Variants in AIG1 observed in about 807,000 individuals in gnomAD.
AIG1 encodes the protein androgen induced 1.
In AIG1, 23 loss-of-function variants were observed where a neutral mutation model predicts 31.4. The observed-to-expected ratio is 0.73, with a 90% CI of 0.53 to 1.04. The LOEUF is 1.04. Among genes scored for constraint, AIG1 ranks in the 50% least tolerant of loss-of-function variants. AIG1 has a pLI of 0.00. For missense variants in AIG1, 274 were observed against 295.0 expected (o/e 0.93, Z 0.52); for synonymous variants, 100 against 110.5 (o/e 0.90, Z 0.60).
chr6:143,173,605 A>C (rs1224114159), intron 3 of AIG1, among the ~76,000 whole-genome samples: 1 of 152,174 alleles, frequency 6.6e-6, no homozygotes, highest in African/African-American at 2.4e-5. Flanking sequence ...GTTCAGTTCA[A>C]AGAATTTTTT....
In AIG1 at chr6:143,280,944, A is replaced by G. The variant is rs151097920; in HGVS notation, c.400-3166A>G. Among the ~76,000 whole-genome samples the G allele has an allele frequency of 2.6e-3, 397 of 152,342 alleles. No individual in the cohort carries two copies. Among genetic ancestry groups the G allele is most frequent in the African/African-American group, 9.2e-3 (382 of 41,564 alleles). ...TTTATTATTATTGATTGGATAATAT[A>G]TCACAGGAAAGACATATTTAGCAAA... On this transcript the variant is annotated intron_variant, in intron 3 of 5. Coordinates refer to ENST00000357847, the MANE Select transcript of AIG1 (RefSeq NM_016108.4). The surrounding 1 kb of genome is among the most constrained non-coding windows in gnomAD (Gnocchi z 4.1).
chr6:143,127,148 C>A (rs1484686828), intron 1 of AIG1, among the ~76,000 whole-genome samples: 1 of 152,102 alleles, frequency 6.6e-6, no homozygotes, highest in Non-Finnish European at 1.5e-5. Context: ...AGAAAAGAGA[C>A]CAGGTCGATT....
chr6:143,169,250 C>T (rs1371358439), intron 3 of AIG1, among the ~76,000 whole-genome samples: 1 of 151,702 alleles, frequency 6.6e-6, no homozygotes, highest in Non-Finnish European at 1.5e-5. Flanking sequence ...TAAATGTTTC[C>T]CTGCCTCCTT....
In AIG1 at chr6:143,284,562, T is replaced by C. The variant is rs994887102; in HGVS notation, c.515+337T>C. The stretch of plus-strand genomic sequence containing the variant: ...TGGGATTTTGTTGTTGTTGCTTTTG[T>C]TGGGGGGCAGGGGAGTTGCAGCAAA... On this transcript the variant is annotated intron_variant, in intron 4 of 5. Transcript: ENST00000357847. This position sits in a 1 kb window ranked among gnomAD's most constrained non-coding sequence, Gnocchi z 4.4. Among the ~76,000 whole-genome samples, 8 of 152,148 alleles carry C rather than the reference T, an allele frequency of 5.3e-5. No individual in the cohort carries two copies. Among genetic ancestry groups the C allele is most frequent in the African/African-American group, 1.4e-4 (6 of 41,428 alleles).
At chr6:143,103,037 C>G (rs1281794655) in intron 1 of AIG1, among the ~76,000 whole-genome samples, 5 of 152,132 alleles carry the variant, frequency 3.3e-5, no homozygotes, top group Non-Finnish European at 7.4e-5. Context: ...GAAAGTACCA[C>G]TAAATTACAC....
At position 143,244,077 on chromosome 6, in the gene AIG1, C is replaced by T. The variant is rs1347386; in HGVS notation, c.400-40033C>T. ...ACACATGACACCTGCCCTCAAATAG[C>T]TGGCAGATTATTGAGGGAATCATAC... On this transcript the variant is annotated intron_variant, in intron 3 of 5. Coordinates refer to ENST00000357847, the MANE Select transcript of AIG1 (RefSeq NM_016108.4). 8.5e-5 allele frequency among the ~76,000 whole-genome samples: 13 copies of T among 152,298 alleles called. No individual in the cohort carries two copies. In the South Asian group the frequency reaches 2.7e-3, roughly 32 times the overall value.
At chr6:143,189,464 A>G in intron 3 of AIG1, 2 of 982,898 alleles carry the variant, frequency 2.0e-6, no homozygotes, top group Non-Finnish European at 2.4e-6. Flanking sequence ...AATTTATTAT[A>G]TATTGAAATC....
intron 4 of AIG1, among the ~76,000 whole-genome samples, chr6:143,295,715 C>G (rs1451109870): frequency 1.3e-5 from 2 of 152,164 alleles, no homozygotes; most frequent in Non-Finnish European, 2.9e-5. Context: ...TTCAGCTTCT[C>G]TGTGCTACAC....
intron 2 of AIG1, among the ~76,000 whole-genome samples, chr6:143,140,999 A>G (rs1784198644): frequency 1.3e-5 from 2 of 152,184 alleles, no homozygotes; most frequent in African/African-American, 2.4e-5. Context: ...CCTGGCTATT[A>G]TCTACTGTCT....
chr6:143,308,674 T>C (rs1775002599), intron 4 of AIG1, among the ~76,000 whole-genome samples: 1 of 152,224 alleles, frequency 6.6e-6, no homozygotes, highest in African/African-American at 2.4e-5. Flanking sequence ...TGTTCTGGTA[T>C]TCAGTCCTAC....
chr6:143,195,062 T>G (rs1790111964), intron 3 of AIG1, among the ~76,000 whole-genome samples: 1 of 152,216 alleles, frequency 6.6e-6, no homozygotes, highest in Non-Finnish European at 1.5e-5. Context: ...ACTGACTGTG[T>G]TCCTCTTGAG....
chr6:143,144,023 C>G (rs1412003045), intron 2 of AIG1, among the ~76,000 whole-genome samples: 2 of 152,168 alleles, frequency 1.3e-5, no homozygotes, highest in African/African-American at 2.4e-5. Context: ...GCTTCTCAAT[C>G]ATCTCATATA....
At chr6:143,318,596 C>G (rs1317509808) in intron 4 of AIG1, among the ~76,000 whole-genome samples, 2 of 151,770 alleles carry the variant, frequency 1.3e-5, no homozygotes, top group African/African-American at 2.4e-5. Context: ...ACCAAGAACC[C>G]AAAAGCAAAT....
In AIG1 at chr6:143,222,928, C is replaced by G. The variant is rs184301225; in HGVS notation, c.399+57745C>G. ...TCTGCAGCTCATCCTTAACAACTGACAAAATATTTACTTTGCTCAGTACAG... is the reference window on the plus strand; with the variant it reads ...TCTGCAGCTCATCCTTAACAACTGAGAAAATATTTACTTTGCTCAGTACAG... On this transcript the variant is annotated intron_variant, in intron 3 of 5. Coordinates refer to ENST00000357847, the MANE Select transcript of AIG1 (RefSeq NM_016108.4). 8.9e-4 allele frequency among the ~76,000 whole-genome samples: 136 copies of G among 152,262 alleles called. 2 individuals are homozygous for G. The highest frequency in any genetic ancestry group is 3.1e-3 in the African/African-American group (129 of 41,572).
rs1243373957 is a variant in AIG1 at position 143,325,075 on chromosome 6, C to T, written c.516-8207C>T. Reference sequence around the variant, plus strand: ...ACCACTTGGAATCTGAAAATGCTTTCCCTTCCACTTTATTGGTGGCAAACC... The same window carrying T: ...ACCACTTGGAATCTGAAAATGCTTTTCCTTCCACTTTATTGGTGGCAAACC... On this transcript the variant is annotated intron_variant, in intron 4 of 5. Coordinates refer to ENST00000357847, the MANE Select transcript of AIG1 (RefSeq NM_016108.4). The surrounding 1 kb of genome is among the most constrained non-coding windows in gnomAD (Gnocchi z 4.3). 6.6e-6 allele frequency among the ~76,000 whole-genome samples: 1 copy of T among 152,190 alleles called. No homozygotes were observed. Among genetic ancestry groups the T allele is most frequent in the Non-Finnish European group, 1.5e-5 (1 of 68,038 alleles).
In AIG1 at chr6:143,330,818, A is replaced by G. The variant is rs1400105119; in HGVS notation, c.516-2464A>G. Among the ~76,000 whole-genome samples, 1 of 152,224 alleles carries G rather than the reference A, an allele frequency of 6.6e-6. No individual in the cohort carries two copies. The highest frequency in any genetic ancestry group is 1.5e-5 in the Non-Finnish European group (1 of 68,042). ...TCCATGGAAATTAATAAACCATTTGATGGGTACACAGCACCTTCCTTACAT... is the reference window on the plus strand; with the variant it reads ...TCCATGGAAATTAATAAACCATTTGGTGGGTACACAGCACCTTCCTTACAT... On this transcript the variant is annotated intron_variant, in intron 4 of 5. Coordinates refer to ENST00000357847, the MANE Select transcript of AIG1 (RefSeq NM_016108.4). The surrounding 1 kb of genome is among the most constrained non-coding windows in gnomAD (Gnocchi z 4.4).
In AIG1 at chr6:143,330,129, T is replaced by C. The variant is rs1046856301; in HGVS notation, c.516-3153T>C. ...AGATTATTAATTCAACAAATAGTTA[T>C]TGAGTGCATACTCTGCCAGATACTG... is the stretch of plus-strand genomic sequence containing the variant. On this transcript the variant is annotated intron_variant, in intron 4 of 5. Transcript: ENST00000357847. This position sits in a 1 kb window ranked among gnomAD's most constrained non-coding sequence, Gnocchi z 4.4. 2.6e-5 allele frequency among the ~76,000 whole-genome samples: 4 copies of C among 152,206 alleles called. No homozygotes were observed. The highest frequency in any genetic ancestry group is 5.9e-5 in the Non-Finnish European group (4 of 68,036).
intron 3 of AIG1, chr6:143,186,593 C>T (rs1423995009): frequency 6.6e-6 from 1 of 152,232 alleles, no homozygotes; most frequent in Non-Finnish European, 1.5e-5. Context: ...GTAAACATTC[C>T]TTCTGATACC....
intron 1 of AIG1, among the ~76,000 whole-genome samples, chr6:143,079,315 GAGTTTTTGCTGTC>G (rs1778004381): frequency 6.6e-6 from 1 of 152,120 alleles, no homozygotes; most frequent in Non-Finnish European, 1.5e-5. Flanking sequence ...GCTTCTCCTG[GAGTTTTTGCTGTC>G]AGTGTTTGCT....
Sources: gnomAD v4.1 joint callset for allele counts (sites outside exome capture counted in the v4.1 genomes callset) on GRCh38, gnomAD v4.1.1 for gene constraint, Gnocchi (gnomAD v3.1) non-coding constraint, MANE v1.5 for transcripts, NCBI Gene and HGNC (gene_info 2026-07-23, HGNC 2026-07-21) for gene names.